Variants in SBF2 observed in about 807,000 individuals in gnomAD.
SBF2 encodes myotubularin-related protein 13.
In SBF2, 112 loss-of-function variants were observed where a neutral mutation model predicts 225.2. That is an observed-to-expected ratio of 0.50 (90% CI 0.43 to 0.58). The LOEUF (loss-of-function observed/expected upper bound fraction) is 0.58, where lower values mean the gene tolerates loss of function less well. Among genes scored for constraint, SBF2 ranks in the 20% least tolerant of loss-of-function variants. The pLI is 0.00. For synonymous variants in SBF2, 763 were observed against 773.3 expected, an observed-to-expected ratio of 0.99 and a Z score of 0.22; for missense variants, 1,996 against 2,206.2, an observed-to-expected ratio of 0.90 and a Z score of 1.91.
At chr11:9,817,614 T>G (rs927244339) in intron 28 of SBF2, among the ~76,000 whole-genome samples, 1 of 152,076 alleles carries the variant, frequency 6.6e-6, no homozygotes, top group South Asian at 2.1e-4. Context: ...ATGAGAATTA[T>G]AAGTTTAGTA....
intron 17 of SBF2, among the ~76,000 whole-genome samples, chr11:9,864,531 C>A (rs1045179501): frequency 6.6e-6 from 1 of 152,034 alleles, no homozygotes; most frequent in African/African-American, 2.4e-5. Flanking sequence ...GGACCACAGG[C>A]ACACACCACC....
At chr11:10,028,864 A>G (rs768259748) in intron 5 of SBF2, among the ~76,000 whole-genome samples, 12 of 152,252 alleles carry the variant, frequency 7.9e-5, no homozygotes, top group South Asian at 2.1e-4. Context: ...TCATAAAGCA[A>G]TTCAAGTTTA....
At chr11:9,908,423 A>C (rs1862282134) in intron 16 of SBF2, among the ~76,000 whole-genome samples, 1 of 152,128 alleles carries the variant, frequency 6.6e-6, no homozygotes, top group African/African-American at 2.4e-5. Context: ...CAGGAGATCG[A>C]GACCATCCTG....
At chr11:10,258,205 A>G (rs1961068081) in intron 1 of SBF2, among the ~76,000 whole-genome samples, 1 of 152,010 alleles carries the variant, frequency 6.6e-6, no homozygotes, top group Non-Finnish European at 1.5e-5. Context: ...CCTGGGCTTA[A>G]GCAATCCTCA....
At chr11:9,920,885 C>T (rs7945309) in intron 16 of SBF2, among the ~76,000 whole-genome samples, 18,646 of 151,862 alleles carry the variant, frequency 0.12, 1,241 homozygotes, top group Non-Finnish European at 0.14. Context: ...GTCAGGGTTC[C>T]ACAACCTACC....
At chr11:10,168,430 CCT>C (rs907783485) in intron 2 of SBF2, among the ~76,000 whole-genome samples, 3 of 152,188 alleles carry the variant, frequency 2.0e-5, no homozygotes, top group East Asian at 1.9e-4. Flanking sequence ...CACCCTTACC[CCT>C]GTTTCATGTT....
chr11:9,885,234 G>C (rs1237566599), intron 17 of SBF2, among the ~76,000 whole-genome samples: 1 of 125,322 alleles, frequency 8.0e-6, no homozygotes, highest in Non-Finnish European at 1.6e-5. Context: ...CTGGGGGATA[G>C]GGTGAAACTT....
intron 2 of SBF2, among the ~76,000 whole-genome samples, chr11:10,112,998 T>C (rs2135019620): frequency 6.6e-6 from 1 of 152,336 alleles, no homozygotes; most frequent in Admixed American, 6.5e-5. Flanking sequence ...ATTTTATTTG[T>C]TGTTGTTGTT....
At chr11:10,177,525 A>T (rs1956523230) in intron 2 of SBF2, among the ~76,000 whole-genome samples, 1 of 149,904 alleles carries the variant, frequency 6.7e-6, no homozygotes, top group African/African-American at 2.5e-5. Context: ...TACAAAAATC[A>T]CAAGCATTCT....
At chr11:10,227,796 C>T (rs1357677488) in intron 1 of SBF2, among the ~76,000 whole-genome samples, 15 of 151,880 alleles carry the variant, frequency 9.9e-5, no homozygotes, top group African/African-American at 2.2e-4. Flanking sequence ...ATTGACTTGG[C>T]GATGCAGGCT....
intron 17 of SBF2, among the ~76,000 whole-genome samples, chr11:9,858,837 T>C (rs1857507026): frequency 6.6e-6 from 1 of 152,160 alleles, no homozygotes; most frequent in South Asian, 2.1e-4. Context: ...AACCTACAGC[T>C]TGGCCTTACA....
intron 1 of SBF2, among the ~76,000 whole-genome samples, chr11:10,287,156 T>C (rs777914997): frequency 3.7e-4 from 57 of 152,194 alleles, no homozygotes; most frequent in Non-Finnish European, 7.2e-4. Flanking sequence ...TATATGACAT[T>C]CTAGAAAAGA....
At position 10,303,332 on chromosome 11, in the gene SBF2, C is replaced by T. The variant is rs1267816159; in HGVS notation, n.386+1160G>A. ...TCAGGGCCCGGAATCTGTCCTCCGTCCTCAGATGGAATTCAGGTCCGCTCA... is the reference window on the plus strand; with the variant it reads ...TCAGGGCCCGGAATCTGTCCTCCGTTCTCAGATGGAATTCAGGTCCGCTCA... On this transcript the variant is annotated intron_variant and non_coding_transcript_variant, in intron 1 of 5. Transcript: ENST00000685217. The surrounding 1 kb of genome is among the most constrained non-coding windows in gnomAD (Gnocchi z 5.2). 1.3e-5 allele frequency: 2 copies of T among 152,314 alleles called. No homozygotes were observed. Among genetic ancestry groups the T allele is most frequent in the African/African-American group, 4.8e-5 (2 of 41,464 alleles). 9.4% of individuals were successfully genotyped at this position (152,314 alleles called of 1,614,324 possible). A position where few individuals can be genotyped will look rare whatever the true frequency, so the allele number is the denominator to read the frequency against.
intron 16 of SBF2, among the ~76,000 whole-genome samples, chr11:9,953,479 T>C (rs1865979435): frequency 6.6e-6 from 1 of 151,990 alleles, no homozygotes; most frequent in Non-Finnish European, 1.5e-5. Context: ...GGCAGATATA[T>C]ATGATGGAAT....
intron 2 of SBF2, among the ~76,000 whole-genome samples, chr11:10,143,689 T>A (rs1192888296): frequency 6.6e-6 from 1 of 152,074 alleles, no homozygotes; most frequent in Non-Finnish European, 1.5e-5. Context: ...GTGGCATAAG[T>A]TTTTTTAGAT....
At chr11:10,147,413 G>C (rs534615246) in intron 2 of SBF2, among the ~76,000 whole-genome samples, 2 of 152,226 alleles carry the variant, frequency 1.3e-5, no homozygotes, top group South Asian at 4.1e-4. Flanking sequence ...ATCATGTCCT[G>C]TGCAGGAACA....
At chr11:9,794,226 C>T (rs967181410) in intron 33 of SBF2, among the ~76,000 whole-genome samples, 2 of 151,740 alleles carry the variant, frequency 1.3e-5, no homozygotes, top group East Asian at 3.9e-4. Flanking sequence ...CCCCTGCCCA[C>T]GAAACAAAAA....
intron 32 of SBF2, among the ~76,000 whole-genome samples, chr11:9,806,417 G>C (rs1182403731): frequency 6.6e-6 from 1 of 152,196 alleles, no homozygotes; most frequent in East Asian, 1.9e-4. Flanking sequence ...CTTTCATGAA[G>C]AACTCATATG....
At chr11:10,005,724 C>A (rs536149662) in intron 6 of SBF2, among the ~76,000 whole-genome samples, 44 of 152,250 alleles carry the variant, frequency 2.9e-4, no homozygotes, top group Non-Finnish European at 1.6e-4. Context: ...TTTGGTGCCA[C>A]GTGACTCAAA....
Sources: allele counts gnomAD v4.1 joint callset (sites outside exome capture counted in the v4.1 genomes callset), GRCh38; gene constraint gnomAD v4.1.1; non-coding constraint Gnocchi (gnomAD v3.1); transcripts MANE v1.5; gene names NCBI Gene and HGNC (gene_info 2026-07-23, HGNC 2026-07-21).